The following GRIK2 variants were observed in gnomAD, a reference collection of about 807,000 sequenced individuals.
GRIK2 encodes glutamate receptor ionotropic, kainate 2.
A neutral mutation model predicts 100.3 loss-of-function variants in GRIK2; 32 were observed. That is an observed-to-expected ratio of 0.32 (90% CI 0.24 to 0.43). GRIK2 has a LOEUF of 0.43. Ranked by LOEUF, GRIK2 falls within the 20% of genes least tolerant of loss-of-function variation. The pLI, the probability that GRIK2 is intolerant of heterozygous loss-of-function variation, is 1.00. For missense variants in GRIK2, 843 were observed against 1,114.9 expected (o/e 0.76, Z 3.47); for synonymous variants, 417 against 389.4 (o/e 1.07, Z -0.83).
At chr6:101,873,138 C>A (rs970990704) in intron 11 of GRIK2, among the ~76,000 whole-genome samples, 3 of 151,972 alleles carry the variant, frequency 2.0e-5, no homozygotes, top group Non-Finnish European at 4.4e-5. Flanking sequence ...GGTACATGTG[C>A]ACAACGTGCA....
At chr6:101,540,365 A>G (rs1221683624) in intron 2 of GRIK2, among the ~76,000 whole-genome samples, 1 of 151,830 alleles carries the variant, frequency 6.6e-6, no homozygotes, top group East Asian at 1.9e-4. Context: ...GTCAATGATA[A>G]TTTATACTTT....
At chr6:101,488,327 A>T (rs549063276) in intron 2 of GRIK2, among the ~76,000 whole-genome samples, 1 of 147,086 alleles carries the variant, frequency 6.8e-6, no homozygotes, top group South Asian at 2.1e-4. Context: ...TTCATAGGTT[A>T]CATAGGCAGA....
At chr6:101,464,983 C>G (rs1771566242) in intron 2 of GRIK2, among the ~76,000 whole-genome samples, 1 of 152,122 alleles carries the variant, frequency 6.6e-6, no homozygotes, top group Admixed American at 6.5e-5. Flanking sequence ...TGAGCTCTTC[C>G]TTCACTATTT....
intron 14 of GRIK2, among the ~76,000 whole-genome samples, chr6:101,985,589 C>T (rs1279704913): frequency 6.6e-6 from 1 of 151,742 alleles, no homozygotes; most frequent in Non-Finnish European, 1.5e-5. Context: ...ATAAACGAGG[C>T]TCATCCTTAC....
intron 2 of GRIK2, among the ~76,000 whole-genome samples, chr6:101,542,055 T>C (rs1422819885): frequency 6.6e-6 from 1 of 152,112 alleles, no homozygotes; most frequent in Non-Finnish European, 1.5e-5. Context: ...ACACAGCAGA[T>C]GGACTGTAAA....
chr6:101,814,787 A>G (rs887326114), intron 9 of GRIK2, among the ~76,000 whole-genome samples: 8 of 152,162 alleles, frequency 5.3e-5, no homozygotes, highest in Non-Finnish European at 7.4e-5. Context: ...GAATCACGAT[A>G]TGTTCATATG....
chr6:101,451,566 G>A (rs1306974262), intron 2 of GRIK2, among the ~76,000 whole-genome samples: 3 of 151,522 alleles, frequency 2.0e-5, no homozygotes, highest in Non-Finnish European at 3.0e-5. Flanking sequence ...CACCATTCAT[G>A]AAGACAGCAT....
intron 14 of GRIK2, among the ~76,000 whole-genome samples, chr6:101,966,355 T>C (rs531024414): frequency 1.3e-5 from 2 of 152,228 alleles, no homozygotes; most frequent in African/African-American, 4.8e-5. Flanking sequence ...TTGATTTCTG[T>C]AGGGCAGAAG....
At chr6:102,005,405 A>G (rs566396461) in intron 14 of GRIK2, among the ~76,000 whole-genome samples, 1 of 152,118 alleles carries the variant, frequency 6.6e-6, no homozygotes, top group South Asian at 2.1e-4. Flanking sequence ...ATATTATACA[A>G]TTTAAGTGAG....
At chr6:101,698,257 A>C (rs1159850087) in intron 7 of GRIK2, among the ~76,000 whole-genome samples, 1 of 152,060 alleles carries the variant, frequency 6.6e-6, no homozygotes, top group Non-Finnish European at 1.5e-5. Context: ...TTGTGATATA[A>C]AGGCCTAAGA....
chr6:101,668,500 A>T (rs1770196519), intron 4 of GRIK2, among the ~76,000 whole-genome samples: 1 of 152,204 alleles, frequency 6.6e-6, no homozygotes, highest in Admixed American at 6.6e-5. Context: ...GCCCACATAC[A>T]TTCTAATAAA....
intron 5 of GRIK2, among the ~76,000 whole-genome samples, chr6:101,679,454 T>C (rs1417595184): frequency 6.6e-6 from 1 of 152,166 alleles, no homozygotes; most frequent in African/African-American, 2.4e-5. Flanking sequence ...TTAGGAGAGA[T>C]GATATGACAA....
At chr6:101,564,987 T>A (rs964257365) in intron 2 of GRIK2, among the ~76,000 whole-genome samples, 1 of 152,058 alleles carries the variant, frequency 6.6e-6, no homozygotes, top group Non-Finnish European at 1.5e-5. Flanking sequence ...CCCCAAAATG[T>A]TACAAAAAAA....
At chr6:101,710,155 T>G (rs1773598363) in intron 7 of GRIK2, among the ~76,000 whole-genome samples, 1 of 151,950 alleles carries the variant, frequency 6.6e-6, no homozygotes, top group Admixed American at 6.6e-5. Flanking sequence ...AAGAGCCCTC[T>G]GATGTTCCTC....
chr6:101,823,757 G>A (rs1782116838), intron 10 of GRIK2, among the ~76,000 whole-genome samples: 1 of 151,886 alleles, frequency 6.6e-6, no homozygotes, highest in African/African-American at 2.4e-5. Context: ...GCTGCTGTTA[G>A]CTATGGGAAG....
intron 14 of GRIK2, among the ~76,000 whole-genome samples, chr6:101,995,724 A>G (rs979945856): frequency 7.9e-5 from 12 of 151,866 alleles, no homozygotes; most frequent in African/African-American, 2.9e-4. Flanking sequence ...GTGTGCATTT[A>G]TGTGTGTGAA....
At chr6:101,534,074 C>T (rs1775571222) in intron 2 of GRIK2, among the ~76,000 whole-genome samples, 1 of 151,744 alleles carries the variant, frequency 6.6e-6, no homozygotes, top group South Asian at 2.1e-4. Context: ...CAGATATTTT[C>T]CTCAATCACT....
rs764522088 is a variant in GRIK2, at chr6:101,889,732, T to G, written c.1617T>G (p.Ser539Arg). The change falls in exon 12 of 17, where the codon AGT (serine) becomes AGG (arginine). Residue 539 changes from serine (S) to arginine (R), a missense_variant. Coordinates refer to ENST00000369134, the MANE Select transcript of GRIK2 (RefSeq NM_021956.5). Reference protein sequence around the residue: ...FSKPFMTLGISILYRKPNGTN... With the variant: ...FSKPFMTLGIRILYRKPNGTN... ...AGCCCTTTATGACACTTGGAATAAG[T>G]ATTTTGTACCGCAAGCCCAATGGTA... 1.9e-6 allele frequency: 3 copies of G among 1,612,946 alleles called. No homozygotes were observed. Among genetic ancestry groups the G allele is most frequent in the Non-Finnish European group, 2.5e-6 (3 of 1,179,258 alleles).
chr6:101,428,297 T>G (rs74429049), intron 2 of GRIK2, among the ~76,000 whole-genome samples: 13 of 152,218 alleles, frequency 8.5e-5, no homozygotes, highest in Non-Finnish European at 5.9e-5. Context: ...TTTGTTAACA[T>G]GCAGTTTTTA....
Sources: gnomAD v4.1 joint callset for allele counts (sites outside exome capture counted in the v4.1 genomes callset) on GRCh38, gnomAD v4.1.1 for gene constraint, MANE v1.5 for transcripts, NCBI Gene and HGNC (gene_info 2026-07-23, HGNC 2026-07-21) for gene names.